CACNA2D1: variants seen among roughly 807,000 people sequenced by gnomAD.
CACNA2D1 encodes calcium voltage-gated channel auxiliary subunit alpha2delta 1.
In CACNA2D1, 53 loss-of-function variants were observed where a neutral mutation model predicts 171.5. The observed-to-expected ratio is 0.31, with a 90% CI of 0.25 to 0.39. CACNA2D1 has a LOEUF of 0.39. CACNA2D1 is among the 10% of genes least tolerant of loss of function. The pLI, the probability that CACNA2D1 is intolerant of heterozygous loss-of-function variation, is 1.00. For missense variants in CACNA2D1, 903 were observed against 1,299.8 expected (o/e 0.69, Z 4.69); for synonymous variants, 442 against 443.1 (o/e 1.00, Z 0.03).
chr7:82,093,198 C>T (rs1418924765), intron 6 of CACNA2D1, among the ~76,000 whole-genome samples: 1 of 152,140 alleles, frequency 6.6e-6, no homozygotes, highest in African/African-American at 2.4e-5. Flanking sequence ...TTTACCCTCT[C>T]TAAACCTCAG....
At chr7:82,341,921 G>A (rs189437598) in intron 2 of CACNA2D1, among the ~76,000 whole-genome samples, 2,750 of 151,562 alleles carry the variant, frequency 0.018, 91 homozygotes, top group African/African-American at 0.063. Flanking sequence ...AGGCGTGGTG[G>A]CAGGCACCTG....
At chr7:82,150,743 AACTG>A (rs1481553357) in intron 4 of CACNA2D1, among the ~76,000 whole-genome samples, 2 of 152,306 alleles carry the variant, frequency 1.3e-5, no homozygotes, top group Admixed American at 6.5e-5. Flanking sequence ...ATTTGTATTT[AACTG>A]AAGTAGAAAT....
chr7:82,244,878 T>A (rs1804721344), intron 3 of CACNA2D1, among the ~76,000 whole-genome samples: 1 of 152,184 alleles, frequency 6.6e-6, no homozygotes. Context: ...TTCCACAATC[T>A]TTCCCTAACA....
intron 4 of CACNA2D1, among the ~76,000 whole-genome samples, chr7:82,145,655 T>G (rs1223893863): frequency 6.9e-6 from 1 of 144,966 alleles, no homozygotes; most frequent in Non-Finnish European, 1.5e-5. Context: ...GTAAAAATTT[T>G]ATATATATGC....
chr7:82,337,243 T>A (rs1312729494), intron 2 of CACNA2D1, among the ~76,000 whole-genome samples: 1 of 152,130 alleles, frequency 6.6e-6, no homozygotes, highest in Non-Finnish European at 1.5e-5. Context: ...TCTGGCTGTA[T>A]TATTTTATAT....
At chr7:82,265,960 G>C (rs2129340767) in intron 3 of CACNA2D1, among the ~76,000 whole-genome samples, 1 of 152,236 alleles carries the variant, frequency 6.6e-6, no homozygotes, top group South Asian at 2.1e-4. Flanking sequence ...CCGTCTGTAT[G>C]ATGATAAAAC....
Position 82,380,885 on chromosome 7 carries a change from A to T in CACNA2D1, c.96-31236T>A, listed in dbSNP as rs533793153. Among the ~76,000 whole-genome samples, 36 of 152,106 alleles carry T rather than the reference A, an allele frequency of 2.4e-4. No individual in the cohort carries two copies. In the South Asian group the frequency reaches 7.5e-3, roughly 32 times the overall value. ...AATTTTTTTATTTTTAGTCAAGACG[A>T]GGTTACACCATGTTGGCCAGGCTGA... On this transcript the variant is annotated intron_variant, in intron 1 of 38. Coordinates refer to ENST00000356860, the MANE Select transcript of CACNA2D1 (RefSeq NM_000722.4).
chr7:82,062,324 C>A (rs1337782603), intron 9 of CACNA2D1, among the ~76,000 whole-genome samples: 1 of 152,086 alleles, frequency 6.6e-6, no homozygotes, highest in Non-Finnish European at 1.5e-5. Flanking sequence ...CTTACCTGTG[C>A]AGCTTCACTT....
At chr7:82,389,071 C>T (rs891040450) in intron 1 of CACNA2D1, among the ~76,000 whole-genome samples, 2 of 150,612 alleles carry the variant, frequency 1.3e-5, no homozygotes, top group Admixed American at 1.3e-4. Context: ...AGCCGAGATG[C>T]CGCCACTGCA....
chr7:82,237,331 T>C (rs1401103064), intron 3 of CACNA2D1, among the ~76,000 whole-genome samples: 1 of 151,912 alleles, frequency 6.6e-6, no homozygotes, highest in Non-Finnish European at 1.5e-5. Context: ...CTTCTAAAGC[T>C]AGATCAGCAA....
rs576372428 is a variant in CACNA2D1 at position 82,049,699 on chromosome 7, T to C, written c.879+10729A>G. Among the ~76,000 whole-genome samples the C allele has an allele frequency of 4.7e-4, 71 of 152,298 alleles. 2 individuals are homozygous for C. In the South Asian group the frequency reaches 0.011, roughly 24 times the overall value. ...GCTTGAGATGCTGCATTTGTACCCA[T>C]TGCTTAACAGAGCTCCCAGGCAAGG... On this transcript the variant is annotated intron_variant, in intron 10 of 38. Transcript: ENST00000356860.
At chr7:82,266,499 C>CTT (rs1413601113) in intron 3 of CACNA2D1, among the ~76,000 whole-genome samples, 1 of 151,848 alleles carries the variant, frequency 6.6e-6, no homozygotes, top group African/African-American at 2.4e-5. Context: ...TAACAGAAGT[C>CTT]TACTGGCAAG....
intron 3 of CACNA2D1, among the ~76,000 whole-genome samples, chr7:82,286,689 C>T (rs1021814964): frequency 1.3e-5 from 2 of 152,070 alleles, no homozygotes; most frequent in Non-Finnish European, 1.5e-5. Context: ...TGTCTCAATA[C>T]CTCATCTGGT....
chr7:81,969,367 A>T (rs1352424643), intron 28 of CACNA2D1, among the ~76,000 whole-genome samples: 1 of 151,556 alleles, frequency 6.6e-6, no homozygotes, highest in Non-Finnish European at 1.5e-5. Flanking sequence ...CAAAACTTTG[A>T]AATTCTCTGA....
chr7:82,241,788 T>C (rs1804330154), intron 3 of CACNA2D1, among the ~76,000 whole-genome samples: 1 of 152,180 alleles, frequency 6.6e-6, no homozygotes, highest in Non-Finnish European at 1.5e-5. Flanking sequence ...CAAATACGAC[T>C]GTATCAACAG....
intron 3 of CACNA2D1, among the ~76,000 whole-genome samples, chr7:82,241,163 G>A (rs535467973): frequency 6.6e-6 from 1 of 152,258 alleles, no homozygotes; most frequent in South Asian, 2.1e-4. Context: ...TATAACTCAT[G>A]TGTATTAAAA....
chr7:82,383,847 T>C (rs1823993753), intron 1 of CACNA2D1, among the ~76,000 whole-genome samples: 1 of 152,186 alleles, frequency 6.6e-6, no homozygotes, highest in South Asian at 2.1e-4. Context: ...TAAATTAAGA[T>C]TTCCAATACT....
chr7:82,396,190 T>C (rs1825740346), intron 1 of CACNA2D1, among the ~76,000 whole-genome samples: 1 of 152,086 alleles, frequency 6.6e-6, no homozygotes. Context: ...TTCTCTCAGC[T>C]TTCTCTTTCC....
Position 82,258,826 on chromosome 7 carries a change from T to TC in CACNA2D1, c.294+76308_294+76309insG, listed in dbSNP as rs1190059724. On this transcript the variant is annotated intron_variant, in intron 3 of 38. Transcript: ENST00000356860. ...TTTCTTTCTTACTTTTCTTTTTTTT[T>TC]TTTTTTTTTTTTTGAGACAGTTTCG... is the stretch of plus-strand genomic sequence containing the variant. Among the ~76,000 whole-genome samples the TC allele has an allele frequency of 3.4e-5, 4 of 117,860 alleles. No individual in the cohort carries two copies. In the East Asian group the frequency reaches 1.0e-3, roughly 30 times the overall value. The allele number at this position is 117,860 out of a possible 152,430, so 77.3% of individuals were successfully genotyped here.
Sources: allele counts gnomAD v4.1 joint callset (sites outside exome capture counted in the v4.1 genomes callset), GRCh38; gene constraint gnomAD v4.1.1; transcripts MANE v1.5; gene names NCBI Gene and HGNC (gene_info 2026-07-23, HGNC 2026-07-21).